The following PIAS4 variants were observed in gnomAD, a reference collection of about 807,000 sequenced individuals.
PIAS4 encodes E3 SUMO-protein ligase PIAS4.
PIAS4 carries 7 observed loss-of-function variants against 58.0 expected under a neutral mutation model. That is an observed-to-expected ratio of 0.12 (90% CI 0.07 to 0.23). PIAS4 has a LOEUF of 0.23. Among genes scored for constraint, PIAS4 ranks in the 10% least tolerant of loss-of-function variants. PIAS4 has a pLI of 1.00. For missense variants in PIAS4, 550 were observed against 709.5 expected (o/e 0.78, Z 2.55); for synonymous variants, 364 against 312.4 (o/e 1.17, Z -1.74).
At chr19:4,030,498 A>G (rs1481362926) in intron 7 of PIAS4, among the ~76,000 whole-genome samples, 1 of 151,996 alleles carries the variant, frequency 6.6e-6, no homozygotes, top group Non-Finnish European at 1.5e-5. Flanking sequence ...AGGCACCTGT[A>G]GTCCCAGCTA....
At chr19:4,024,536 C>G (rs1338668023) in intron 3 of PIAS4, among the ~76,000 whole-genome samples, 1 of 152,220 alleles carries the variant, frequency 6.6e-6, no homozygotes, top group African/African-American at 2.4e-5. Flanking sequence ...CGGGCGAGAC[C>G]TCCCTGGGTT....
rs1200346084 is a variant in PIAS4 at position 4,037,808 on chromosome 19, A to G, written c.1466A>G (p.Glu489Gly). The G allele has an allele frequency of 6.3e-7, 1 of 1,584,846 alleles. No individual in the cohort carries two copies. The highest frequency in any genetic ancestry group is 8.6e-7 in the Non-Finnish European group (1 of 1,166,024). The stretch of plus-strand genomic sequence containing the variant: ...GAGGAGGAAGAGGAGGAGGAAGACG[A>G]GGACGAAGAGGGGCCCCGGCCCAAG... ...EEEEEEEEED[E>G]DEEGPRPKRR... is the part of the protein sequence containing the mutation. The change falls in exon 11 of 11, where the codon GAG becomes GGG. Residue 489 changes from glutamate (E) to glycine (G), a missense_variant. By Grantham distance (98) the Glu-to-Gly change is moderately conservative (BLOSUM62 -2). Coordinates refer to ENST00000262971, the MANE Select transcript of PIAS4 (RefSeq NM_015897.4). This position sits in a 1 kb window ranked among gnomAD's most constrained non-coding sequence, Gnocchi z 5.8.
At chr19:4,030,011 A>G (rs1463697433) in intron 7 of PIAS4, among the ~76,000 whole-genome samples, 1 of 151,386 alleles carries the variant, frequency 6.6e-6, no homozygotes, top group Admixed American at 6.6e-5. Flanking sequence ...TTCAGTAGAG[A>G]CGGGGTTTCA....
chr19:4,018,238 C>T (rs373267980), intron 2 of PIAS4, among the ~76,000 whole-genome samples: 13 of 152,340 alleles, frequency 8.5e-5, no homozygotes, highest in East Asian at 1.9e-4. Context: ...CCGAGTGGGC[C>T]GCCTCGGTAC....
chr19:4,021,742 CTT>C (rs776416490), intron 2 of PIAS4, among the ~76,000 whole-genome samples: 33 of 104,076 alleles, frequency 3.2e-4, no homozygotes, highest in African/African-American at 1.1e-3. Context: ...TTTTCTTTTT[CTT>C]TTTTTTTTTT....
At chr19:4,010,219 C>T (rs1280547829) in intron 1 of PIAS4, among the ~76,000 whole-genome samples, 1 of 152,218 alleles carries the variant, frequency 6.6e-6, no homozygotes, top group Non-Finnish European at 1.5e-5. Context: ...GTGTCAAGGG[C>T]AGGCTCCTCC....
intron 9 of PIAS4, among the ~76,000 whole-genome samples, chr19:4,036,461 G>A (rs2040287926): frequency 7.8e-6 from 1 of 128,028 alleles, no homozygotes. Flanking sequence ...CATCTATACG[G>A]TCCACACCGT....
intron 1 of PIAS4, 142 bp downstream of exon 1, chr19:4,007,929 C>T (rs1444829684): frequency 5.8e-6 from 3 of 514,700 alleles, no homozygotes; most frequent in Non-Finnish European, 8.6e-6. Context: ...CAGACCCCGA[C>T]CCCCGGTCTC....
Position 4,012,528 on chromosome 19 carries a change from C to T in PIAS4, c.28-395C>T, listed in dbSNP as rs545598677. On this transcript the variant is annotated intron_variant, in intron 1 of 10. Transcript: ENST00000262971. Reference sequence around the variant, plus strand: ...GTGCTTTATGTCATTATCCTCCCGACGTAGAGACTGAGGGTCAGAGAGGCA... The same window carrying T: ...GTGCTTTATGTCATTATCCTCCCGATGTAGAGACTGAGGGTCAGAGAGGCA... Among the ~76,000 whole-genome samples, 309 of 152,246 alleles carry T rather than the reference C, an allele frequency of 2.0e-3. 2 individuals are homozygous for T. The highest frequency in any genetic ancestry group is 7.2e-3 in the African/African-American group (301 of 41,536).
chr19:4,024,699 G>A (rs1018252928), intron 3 of PIAS4, among the ~76,000 whole-genome samples: 25 of 152,150 alleles, frequency 1.6e-4, no homozygotes, highest in Non-Finnish European at 3.5e-4. Context: ...GGTTTACACC[G>A]CCCGCCTTAG....
In PIAS4 at chr19:4,028,157, C is replaced by G; in HGVS notation, c.551C>G (p.Pro184Arg). 6.2e-7 allele frequency: 1 copy of G among 1,613,476 alleles called. No homozygotes were observed. Among genetic ancestry groups the G allele is most frequent in the Non-Finnish European group, 8.5e-7 (1 of 1,179,958 alleles). Residue 184 changes from proline to arginine, a missense_variant, in exon 4 of 11, where the codon CCC becomes CGC. Pro to Arg is a moderately radical substitution (Grantham distance 103, BLOSUM62 -2). Coordinates refer to ENST00000262971, the MANE Select transcript of PIAS4 (RefSeq NM_015897.4). The part of the protein sequence containing the change: ...ELIRNSRELQ[P>R]GVKAVQVVLR... The stretch of plus-strand genomic sequence containing the variant: ...CTCCACACCCACAGGGAACTGCAGC[C>G]CGGAGTTAAAGCCGTGCAGGTCGTC...
intron 9 of PIAS4, among the ~76,000 whole-genome samples, chr19:4,034,137 G>A (rs1181973606): frequency 6.6e-6 from 1 of 152,214 alleles, no homozygotes; most frequent in Non-Finnish European, 1.5e-5. Flanking sequence ...ACTGAGCCCC[G>A]TTGTCTGTGG....
At chr19:4,011,092 C>G (rs1320587900) in intron 1 of PIAS4, among the ~76,000 whole-genome samples, 3 of 152,256 alleles carry the variant, frequency 2.0e-5, no homozygotes, top group African/African-American at 7.2e-5. Context: ...CCGGAAACCT[C>G]AGCGCCTCCT....
chr19:4,032,627 TG>T (rs1337037585), intron 7 of PIAS4, among the ~76,000 whole-genome samples: 1 of 152,332 alleles, frequency 6.6e-6, no homozygotes, highest in Non-Finnish European at 1.5e-5. Flanking sequence ...CAGGCTGCCT[TG>T]GGGCGGTGCT....
intron 1 of PIAS4, among the ~76,000 whole-genome samples, chr19:4,011,423 C>G (rs894912352): frequency 1.3e-5 from 2 of 152,252 alleles, no homozygotes; most frequent in Non-Finnish European, 2.9e-5. Context: ...TCATGGAGGT[C>G]AGGCCACTGC....
At chr19:4,025,443 GC>G (rs1270502783) in intron 3 of PIAS4, among the ~76,000 whole-genome samples, 2 of 152,210 alleles carry the variant, frequency 1.3e-5, no homozygotes, top group African/African-American at 4.8e-5. Context: ...GACAGGGGAG[GC>G]CATTTGCCCA....
intron 3 of PIAS4, among the ~76,000 whole-genome samples, chr19:4,025,688 C>CGTCTTTCTCAGTCTT (rs6146449): frequency 6.6e-6 from 1 of 151,652 alleles, no homozygotes; most frequent in Non-Finnish European, 1.5e-5. Context: ...TTCTCAGCCT[C>CGTCTTTCTCAGTCTT]GTCTTCCTTG....
rs563923738 is a variant in PIAS4 at position 4,013,898 on chromosome 19, C to T, written c.454+549C>T. ...TTTTTATAACCCAACCTCGGACACG[C>T]CTCGCCATCTCCCCCACAGAGTCCG... On this transcript the variant is annotated intron_variant, in intron 2 of 10. Transcript: ENST00000262971. The surrounding 1 kb of genome is among the most constrained non-coding windows in gnomAD (Gnocchi z 5.1). Among the ~76,000 whole-genome samples the T allele has an allele frequency of 7.2e-5, 11 of 152,248 alleles. No individual in the cohort carries two copies. The highest frequency in any genetic ancestry group is 2.4e-4 in the African/African-American group (10 of 41,574).
intron 1 of PIAS4, among the ~76,000 whole-genome samples, chr19:4,009,776 T>A (rs1453974601): frequency 6.6e-6 from 1 of 152,222 alleles, no homozygotes; most frequent in Non-Finnish European, 1.5e-5. Context: ...TTCTGTCTTT[T>A]GGGGTGCATC....
Sources: allele counts gnomAD v4.1 joint callset (sites outside exome capture counted in the v4.1 genomes callset), GRCh38; gene constraint gnomAD v4.1.1; non-coding constraint Gnocchi (gnomAD v3.1); transcripts MANE v1.5; gene names NCBI Gene and HGNC (gene_info 2026-07-23, HGNC 2026-07-21).